ANK3: variants seen among roughly 807,000 people sequenced by gnomAD.
ANK3 encodes ankyrin-3.
In ANK3, 57 loss-of-function variants were observed where a neutral mutation model predicts 370.9. The ratio of observed to expected loss-of-function variants is 0.15; its 90% CI spans 0.12 to 0.19. ANK3 has a LOEUF of 0.19. Among genes scored for constraint, ANK3 ranks in the 10% least tolerant of loss-of-function variants. The pLI is 1.00. For synonymous variants in ANK3, 1,929 were observed against 1,946.3 expected (o/e 0.99, Z 0.23); for missense variants, 4,439 against 5,302.1 (o/e 0.84, Z 5.06).
chr10:60,103,898 A>G lies in ANK3; in HGVS notation c.3328+2007T>C, dbSNP rs139498382. 3.8e-3 allele frequency among the ~76,000 whole-genome samples: 583 copies of G among 152,322 alleles called. 5 individuals are homozygous for G. Among genetic ancestry groups the G allele is most frequent in the Non-Finnish European group, 6.9e-3 (471 of 68,022 alleles). On this transcript the variant is annotated intron_variant, in intron 28 of 43. Transcript: ENST00000280772. ...TTGTTTCTTTACACCTTGGAAAACT[A>G]TGCAGCCATAAAAAAGAATGAGATC...
At chr10:60,518,653 C>T (rs1485337707) in intron 2 of ANK3, among the ~76,000 whole-genome samples, 1 of 152,106 alleles carries the variant, frequency 6.6e-6, no homozygotes, top group Non-Finnish European at 1.5e-5. Flanking sequence ...CTTTCCCCTC[C>T]CTTCCAACTC....
At chr10:60,429,667 T>A (rs2063970032) in intron 2 of ANK3, among the ~76,000 whole-genome samples, 1 of 152,204 alleles carries the variant, frequency 6.6e-6, no homozygotes, top group East Asian at 1.9e-4. Flanking sequence ...GGCTCCCAAC[T>A]GGCAAAAATT....
intron 5 of ANK3, among the ~76,000 whole-genome samples, chr10:60,265,659 A>G (rs2097864783): frequency 6.6e-6 from 1 of 152,126 alleles, no homozygotes; most frequent in Admixed American, 6.6e-5. Flanking sequence ...CCCATGGTAA[A>G]GAAAAGCATT....
chr10:60,536,116 A>G (rs1567127288), intron 2 of ANK3, among the ~76,000 whole-genome samples: 1 of 152,090 alleles, frequency 6.6e-6, no homozygotes, highest in African/African-American at 2.4e-5. Flanking sequence ...GTGACTAAAA[A>G]CTACTTTCAA....
At chr10:60,423,286 T>C (rs1341809179) in intron 2 of ANK3, among the ~76,000 whole-genome samples, 1 of 151,730 alleles carries the variant, frequency 6.6e-6, no homozygotes, top group African/African-American at 2.4e-5. Context: ...CCTTCCTTTA[T>C]TGACAATCAT....
At chr10:60,105,868 G>T (rs568371915) in intron 28 of ANK3, 37 bp downstream of exon 28, 1 of 1,547,174 alleles carries the variant, frequency 6.5e-7, no homozygotes, top group Admixed American at 2.1e-5. Flanking sequence ...ATTTCTGCCT[G>T]CAGACATTTA....
chr10:60,313,890 T>C lies in ANK3; in HGVS notation c.115-34251A>G, dbSNP rs1014594866. The stretch of plus-strand genomic sequence containing the variant: ...AAAAAAATAGCACCTCCAGCCTGCA[T>C]CACCCATTACCCTTGTCCCTGCCTC... On this transcript the variant is annotated intron_variant, in intron 1 of 43. Transcript: ENST00000280772. 4.0e-5 allele frequency among the ~76,000 whole-genome samples: 6 copies of C among 151,626 alleles called. No homozygotes were observed. In the South Asian group the frequency reaches 6.2e-4, roughly 16 times the overall value.
At chr10:60,039,341 G>A (rs1009336232) in intron 43 of ANK3, among the ~76,000 whole-genome samples, 5 of 152,078 alleles carry the variant, frequency 3.3e-5, no homozygotes, top group African/African-American at 1.2e-4. Context: ...CTTTGCCATG[G>A]CTTAAATGAC....
intron 38 of ANK3, 22 bp downstream of exon 38, chr10:60,067,913 A>T (rs1174329126): frequency 1.9e-6 from 3 of 1,584,092 alleles, no homozygotes. Flanking sequence ...AATTTGTTCC[A>T]TTCAGGAGTG....
At chr10:60,176,179 CAA>C (rs1328240039) in intron 18 of ANK3, among the ~76,000 whole-genome samples, 1 of 80,072 alleles carries the variant, frequency 1.2e-5, no homozygotes, top group Non-Finnish European at 2.6e-5. Flanking sequence ...GCTAAAAATA[CAA>C]AAAAAAAAAA....
intron 2 of ANK3, among the ~76,000 whole-genome samples, chr10:60,444,167 A>G (rs963640542): frequency 2.0e-5 from 3 of 151,946 alleles, no homozygotes; most frequent in African/African-American, 7.3e-5. Flanking sequence ...TTCTTACCTT[A>G]TATCCATTTA....
intron 2 of ANK3, among the ~76,000 whole-genome samples, chr10:60,589,803 A>T (rs1021513776): frequency 2.0e-5 from 3 of 152,318 alleles, no homozygotes; most frequent in Admixed American, 6.5e-5. Context: ...TATCACCACC[A>T]TTTTTTAAAT....
chr10:60,709,275 ATATATCTATATCTATATC>A (rs60343604), intron 1 of ANK3, among the ~76,000 whole-genome samples: 26,836 of 143,512 alleles, frequency 0.19, 2,713 homozygotes, highest in South Asian at 0.24. Flanking sequence ...AACCAATAGG[ATATATCTATATCTATATC>A]TATATCTATA....
chr10:60,587,620 C>T (rs2077850442), intron 2 of ANK3, among the ~76,000 whole-genome samples: 1 of 152,038 alleles, frequency 6.6e-6, no homozygotes, highest in Non-Finnish European at 1.5e-5. Flanking sequence ...AGTGAGGCAT[C>T]AAAAACAGTA....
intron 2 of ANK3, among the ~76,000 whole-genome samples, chr10:60,505,703 C>T (rs1048568663): frequency 8.5e-5 from 13 of 152,246 alleles, no homozygotes; most frequent in Middle Eastern, 3.4e-3. Context: ...TTTCCTCCCA[C>T]TCCAACTCTT....
At chr10:60,549,328 A>T (rs1364435097) in intron 2 of ANK3, among the ~76,000 whole-genome samples, 1 of 152,208 alleles carries the variant, frequency 6.6e-6, no homozygotes, top group East Asian at 1.9e-4. Flanking sequence ...ACTGCTTATG[A>T]TTCAAACTTT....
chr10:60,133,063 A>G (rs1253396608), intron 25 of ANK3, among the ~76,000 whole-genome samples: 3 of 152,202 alleles, frequency 2.0e-5, no homozygotes, highest in Non-Finnish European at 1.5e-5. Context: ...TACAACACAC[A>G]TATGTAGGTC....
At chr10:60,051,492 G>C (rs886926156) in intron 42 of ANK3, 1 of 985,118 alleles carries the variant, frequency 1.0e-6, no homozygotes, top group African/African-American at 1.8e-5. Context: ...ATCAAACGCC[G>C]GCGAATAACT....
At chr10:60,411,731 C>T (rs1408082040) in intron 2 of ANK3, among the ~76,000 whole-genome samples, 1 of 152,150 alleles carries the variant, frequency 6.6e-6, no homozygotes, top group East Asian at 1.9e-4. Context: ...GGAAAATAAC[C>T]TTAGATAAGT....
Sources: gnomAD v4.1 joint callset for allele counts (sites outside exome capture counted in the v4.1 genomes callset) on GRCh38, gnomAD v4.1.1 for gene constraint, MANE v1.5 for transcripts, NCBI Gene and HGNC (gene_info 2026-07-23, HGNC 2026-07-21) for gene names.